Variants in NETO1 observed in about 807,000 individuals in gnomAD.
NETO1 encodes the protein neuropilin and tolloid like 1.
NETO1 carries 26 observed loss-of-function variants against 61.3 expected under a neutral mutation model. That is an observed-to-expected ratio of 0.42 (90% CI 0.31 to 0.59). NETO1 has a LOEUF of 0.59. Ranked by LOEUF, NETO1 falls within the 20% of genes least tolerant of loss-of-function variation. The probability of loss-of-function intolerance (pLI) is 0.12; values close to 1 mark genes in which losing one functional copy is unlikely to be tolerated. For missense variants in NETO1, 531 were observed against 662.8 expected (o/e 0.80, Z 2.18); for synonymous variants, 225 against 225.8 (o/e 1.00, Z 0.03).
intron 7 of NETO1, among the ~76,000 whole-genome samples, chr18:72,765,014 G>A (rs889482100): frequency 1.3e-4 from 20 of 152,066 alleles, no homozygotes; most frequent in African/African-American, 4.6e-4. Context: ...AGAAACCATG[G>A]GGACCTTGGC....
At chr18:72,835,859 C>T (rs2073729928) in intron 4 of NETO1, among the ~76,000 whole-genome samples, 1 of 152,082 alleles carries the variant, frequency 6.6e-6, no homozygotes, top group Non-Finnish European at 1.5e-5. Flanking sequence ...ATGGTTACTT[C>T]CTTAGAAATC....
At chr18:72,839,709 T>C (rs1303961320) in intron 4 of NETO1, among the ~76,000 whole-genome samples, 8 of 152,178 alleles carry the variant, frequency 5.3e-5, no homozygotes, top group African/African-American at 1.9e-4. Context: ...AGAGTGTAAA[T>C]AGAGTAATAT....
chr18:72,832,077 A>G (rs953666548), intron 4 of NETO1, among the ~76,000 whole-genome samples: 2 of 152,176 alleles, frequency 1.3e-5, no homozygotes, highest in African/African-American at 4.8e-5. Flanking sequence ...ATAGTGTCTG[A>G]TTTTCAATTA....
chr18:72,849,139 A>C (rs758442167), intron 4 of NETO1, among the ~76,000 whole-genome samples: 2 of 152,180 alleles, frequency 1.3e-5, no homozygotes, highest in African/African-American at 4.8e-5. Flanking sequence ...TTATTCTCTA[A>C]GGCATGCTTT....
chr18:72,774,628 T>G (rs1310459335), intron 7 of NETO1, among the ~76,000 whole-genome samples: 1 of 152,326 alleles, frequency 6.6e-6, no homozygotes, highest in South Asian at 2.1e-4. Context: ...GATGAATTCT[T>G]TATCGCAAAT....
intron 4 of NETO1, among the ~76,000 whole-genome samples, chr18:72,809,010 T>C (rs1208826790): frequency 6.6e-6 from 1 of 152,228 alleles, no homozygotes; most frequent in Non-Finnish European, 1.5e-5. Context: ...TCTGTCAGTC[T>C]GGAAAAGAGG....
At chr18:72,831,236 A>T (rs568584716) in intron 4 of NETO1, among the ~76,000 whole-genome samples, 1 of 152,308 alleles carries the variant, frequency 6.6e-6, no homozygotes, top group East Asian at 1.9e-4. Context: ...CCAGTGACTA[A>T]CACATCTGAT....
At chr18:72,751,961 T>C (rs983234158) in intron 8 of NETO1, 6 of 152,164 alleles carry the variant, frequency 3.9e-5, no homozygotes, top group African/African-American at 1.4e-4. Flanking sequence ...GTCTTATTGC[T>C]CTAAAGACAC....
intron 4 of NETO1, among the ~76,000 whole-genome samples, chr18:72,826,747 G>C (rs185701692): frequency 6.6e-6 from 1 of 152,214 alleles, no homozygotes; most frequent in East Asian, 1.9e-4. Flanking sequence ...CAGAAGCCTA[G>C]GGTGAGTGTT....
intron 8 of NETO1, among the ~76,000 whole-genome samples, chr18:72,750,937 G>A (rs1000898537): frequency 4.6e-5 from 5 of 109,228 alleles, no homozygotes; most frequent in African/African-American, 1.1e-4. Context: ...CTAATCTATC[G>A]TAGGTTAAGA....
chr18:72,838,086 G>C (rs536126502), intron 4 of NETO1, among the ~76,000 whole-genome samples: 5 of 152,282 alleles, frequency 3.3e-5, no homozygotes, highest in African/African-American at 1.2e-4. Context: ...CCTATGACAG[G>C]TATCTCTATG....
intron 9 of NETO1, 42 bp from the exon 10 acceptor site, chr18:72,749,130 C>CA: frequency 9.0e-7 from 1 of 1,108,196 alleles, no homozygotes; most frequent in Admixed American, 2.2e-5. Context: ...GTACTATTTG[C>CA]ACAAAAAAAT....
At chr18:72,794,287 G>A (rs772774412) in intron 5 of NETO1, 43 bp from the exon 6 acceptor site, 15 of 1,613,718 alleles carry the variant, frequency 9.3e-6, no homozygotes, top group Non-Finnish European at 1.3e-5. Flanking sequence ...AACGGAGCTT[G>A]AATAATAAAC....
At chr18:72,800,547 A>T (rs1278487503) in intron 4 of NETO1, among the ~76,000 whole-genome samples, 2 of 152,172 alleles carry the variant, frequency 1.3e-5, no homozygotes, top group African/African-American at 4.8e-5. Context: ...ATTCTACATT[A>T]TGGTGAGTTG....
At chr18:72,836,136 A>G (rs1045914310) in intron 4 of NETO1, among the ~76,000 whole-genome samples, 6 of 152,142 alleles carry the variant, frequency 3.9e-5, no homozygotes, top group Non-Finnish European at 8.8e-5. Context: ...CTGTAGACTC[A>G]CCGCCTTCTT....
At position 72,750,438 on chromosome 18, in the gene NETO1, C is replaced by T. The variant is rs2070560044; in HGVS notation, c.1165G>A (p.Glu389Lys). Reference protein sequence around the residue: ...FDQTVFQEVFEPPHYELCTLR... With the variant: ...FDQTVFQEVFKPPHYELCTLR... ...GTGCATAACTCATAATGAGGAGGTT[C>T]AAATACCTCCTGGAAAACTGTCTGG... Residue 389 changes from glutamate (E) to lysine (K), a missense_variant, in exon 9 of 11, where the codon GAA becomes AAA. Physicochemically the swap from Glu to Lys is moderately conservative, Grantham distance 56. Coordinates refer to ENST00000327305, the MANE Select transcript of NETO1 (RefSeq NM_138966.5). The T allele has an allele frequency of 3.7e-6, 6 of 1,613,952 alleles. No individual in the cohort carries two copies. The highest frequency in any genetic ancestry group is 1.3e-5 in the African/African-American group (1 of 74,910).
intron 4 of NETO1, among the ~76,000 whole-genome samples, chr18:72,831,180 C>T (rs2073565576): frequency 6.6e-6 from 1 of 152,220 alleles, no homozygotes; most frequent in South Asian, 2.1e-4. Flanking sequence ...TATTTCTTAG[C>T]TGAGCAATAC....
chr18:72,858,803 T>A (rs770939667), intron 4 of NETO1, 23 bp downstream of exon 4: 7 of 1,567,346 alleles, frequency 4.5e-6, no homozygotes, highest in South Asian at 1.2e-5. Context: ...AAAAAGAAAT[T>A]TTTTTTTTAA....
In NETO1 at chr18:72,793,701, A is replaced by C. The variant is rs565313755; in HGVS notation, c.639+416T>G. 3.3e-4 allele frequency among the ~76,000 whole-genome samples: 51 copies of C among 152,292 alleles called. 1 individual carries two copies. In the South Asian group the frequency reaches 0.011, roughly 32 times the overall value. On this transcript the variant is annotated intron_variant, in intron 6 of 10. Transcript: ENST00000327305. ...AGCCCTTACCACACTTGTATTTTAC[A>C]TGCCAGATATTTATGATTTTGTAGG...
Sources: gnomAD v4.1 joint callset for allele counts (sites outside exome capture counted in the v4.1 genomes callset) on GRCh38, gnomAD v4.1.1 for gene constraint, MANE v1.5 for transcripts, NCBI Gene and HGNC (gene_info 2026-07-23, HGNC 2026-07-21) for gene names.